PACRG: variants seen among roughly 807,000 people sequenced by gnomAD.
The protein encoded by PACRG is parkin coregulated.
In PACRG, 29 loss-of-function variants were observed where a neutral mutation model predicts 29.7. The ratio of observed to expected loss-of-function variants is 0.98; its 90% confidence interval spans 0.73 to 1.33. The LOEUF is 1.33. Among genes scored for constraint, PACRG ranks in the 40% most tolerant of loss-of-function variants. The pLI, the probability that PACRG is intolerant of heterozygous loss-of-function variation, is 0.00. For missense variants in PACRG, 279 were observed against 316.2 expected (o/e 0.88, Z 0.89); for synonymous variants, 116 against 118.7 (o/e 0.98, Z 0.15).
chr6:163,230,949 G>A (rs1473595302), intron 4 of PACRG, among the ~76,000 whole-genome samples: 3 of 152,246 alleles, frequency 2.0e-5, no homozygotes, highest in Non-Finnish European at 4.4e-5. Flanking sequence ...AAGCCTGCGG[G>A]ACAGAAATGA....
intron 4 of PACRG, among the ~76,000 whole-genome samples, chr6:163,209,771 G>A (rs753617237): frequency 6.6e-5 from 10 of 152,222 alleles, no homozygotes; most frequent in South Asian, 2.1e-4. Context: ...TGTAAATATC[G>A]TACTGTAAAC....
Position 162,947,641 on chromosome 6 carries a change from TATATATAC to T in PACRG, c.292-114507_292-114500del, listed in dbSNP as rs1468716608. ...ATATATATATATATATATATATATATATATATACACCCAAAGATTCCACCAAAAATCTC... is the reference window on the plus strand; with the variant it reads ...ATATATATATATATATATATATATATACCCAAAGATTCCACCAAAAATCTC... On this transcript the variant is annotated intron_variant, in intron 2 of 4. Coordinates refer to ENST00000366888, the MANE Select transcript of PACRG (RefSeq NM_001080379.2). Among the ~76,000 whole-genome samples the T allele has an allele frequency of 5.6e-3, 454 of 81,650 alleles. 38 individuals carry two copies. Among genetic ancestry groups the T allele is most frequent in the African/African-American group, 6.3e-3 (131 of 20,666 alleles). The allele number at this position is 81,650 out of a possible 152,430, so 53.6% of individuals were successfully genotyped here. A position where few individuals can be genotyped will look rare whatever the true frequency, so the allele number is the denominator to read the frequency against.
At chr6:163,033,558 C>T (rs1408532446) in intron 2 of PACRG, among the ~76,000 whole-genome samples, 1 of 152,238 alleles carries the variant, frequency 6.6e-6, no homozygotes, top group Non-Finnish European at 1.5e-5. Context: ...AAAGGCATTA[C>T]ACTTTTTACT....
chr6:163,189,237 A>G (rs530832424), intron 4 of PACRG, among the ~76,000 whole-genome samples: 48 of 152,368 alleles, frequency 3.2e-4, no homozygotes, highest in Non-Finnish European at 6.3e-4. Flanking sequence ...CATGAGATGG[A>G]CATAAGGGAT....
chr6:162,984,090 G>A (rs1327462283), intron 2 of PACRG, among the ~76,000 whole-genome samples: 1 of 151,626 alleles, frequency 6.6e-6, no homozygotes. Context: ...AATTTCTTTA[G>A]TGGTGACTTA....
intron 4 of PACRG, among the ~76,000 whole-genome samples, chr6:163,109,609 T>C (rs1487599211): frequency 1.3e-5 from 2 of 152,210 alleles, no homozygotes; most frequent in African/African-American, 4.8e-5. Flanking sequence ...AGCATTTTAG[T>C]AGGAAAGAGA....
intron 4 of PACRG, among the ~76,000 whole-genome samples, chr6:163,194,894 C>T (rs1780377653): frequency 6.6e-6 from 1 of 152,138 alleles, no homozygotes. Flanking sequence ...CCCTCCTTCC[C>T]CACGCCCCTC....
At chr6:163,159,868 G>A (rs2128341526) in intron 4 of PACRG, among the ~76,000 whole-genome samples, 1 of 152,134 alleles carries the variant, frequency 6.6e-6, no homozygotes, top group East Asian at 1.9e-4. Flanking sequence ...CCCTTCGGTG[G>A]CCCCGATCCT....
At chr6:163,274,626 G>A (rs1314242259) in intron 4 of PACRG, among the ~76,000 whole-genome samples, 1 of 152,148 alleles carries the variant, frequency 6.6e-6, no homozygotes, top group Non-Finnish European at 1.5e-5. Flanking sequence ...CACAATGGTT[G>A]AACTAGTTTA....
intron 4 of PACRG, among the ~76,000 whole-genome samples, chr6:163,156,055 A>G (rs1211680451): frequency 2.0e-5 from 3 of 152,122 alleles, no homozygotes; most frequent in Admixed American, 1.3e-4. Flanking sequence ...TCTCCTGAGG[A>G]AGCCCTCGCC....
chr6:162,806,085 G>A (rs1265011563), intron 1 of PACRG, among the ~76,000 whole-genome samples: 1 of 151,612 alleles, frequency 6.6e-6, no homozygotes, highest in East Asian at 1.9e-4. Context: ...GGCAGCTAGA[G>A]CCTTACAAAA....
chr6:163,300,782 T>C (rs1784958069), intron 4 of PACRG, among the ~76,000 whole-genome samples: 1 of 152,264 alleles, frequency 6.6e-6, no homozygotes, highest in Admixed American at 6.5e-5. Context: ...CAGGTGTGCA[T>C]TTGAAAATAA....
intron 2 of PACRG, among the ~76,000 whole-genome samples, chr6:162,882,054 C>T (rs1793921339): frequency 1.4e-5 from 2 of 138,980 alleles, no homozygotes; most frequent in Non-Finnish European, 3.1e-5. Context: ...AGACCAGAGA[C>T]CCGGGGGCGC....
In PACRG at chr6:162,935,807, A is replaced by G. The variant is rs1217677430; in HGVS notation, c.291+121526A>G. Among the ~76,000 whole-genome samples, 3 of 152,138 alleles carry G rather than the reference A, an allele frequency of 2.0e-5. No individual in the cohort carries two copies. The South Asian group carries it at 6.2e-4, about 31-fold the overall frequency. On this transcript the variant is annotated intron_variant, in intron 2 of 4. Coordinates refer to ENST00000366888, the MANE Select transcript of PACRG (RefSeq NM_001080379.2). ...TCTGAGAAATTAGAGATCATTGAAA[A>G]TTGCAAGATAGTATAACTTAATGTT...
In PACRG at chr6:163,221,995, C is replaced by T. The variant is rs115869671; in HGVS notation, c.614-92832C>T. On this transcript the variant is annotated intron_variant, in intron 4 of 4. Transcript: ENST00000366888. The stretch of plus-strand genomic sequence containing the variant: ...GACAGGCTGCACCCTGATCACCTGG[C>T]GATATTCAGGTGCAGTGCAGGAGAC... Among the ~76,000 whole-genome samples the T allele has an allele frequency of 4.9e-3, 753 of 152,230 alleles. 9 individuals are homozygous for T. The highest frequency in any genetic ancestry group is 0.017 in the African/African-American group (721 of 41,542).
chr6:163,197,670 C>G (rs1296304417), intron 4 of PACRG, among the ~76,000 whole-genome samples: 1 of 151,798 alleles, frequency 6.6e-6, no homozygotes, highest in South Asian at 2.1e-4. Context: ...AGGATTGTCT[C>G]GATCTTCTGA....
chr6:163,289,056 A>T (rs1414681577), intron 4 of PACRG, among the ~76,000 whole-genome samples: 1 of 152,156 alleles, frequency 6.6e-6, no homozygotes. Flanking sequence ...TGCCATTGAG[A>T]TGCTAGACTG....
intron 4 of PACRG, among the ~76,000 whole-genome samples, chr6:163,222,306 T>G (rs1379065444): frequency 6.6e-6 from 1 of 152,158 alleles, no homozygotes; most frequent in Non-Finnish European, 1.5e-5. Flanking sequence ...TGAGGGTGCA[T>G]GAGATGGGAG....
chr6:162,863,529 C>T (rs1255401581), intron 2 of PACRG, among the ~76,000 whole-genome samples: 1 of 152,206 alleles, frequency 6.6e-6, no homozygotes, highest in Non-Finnish European at 1.5e-5. Flanking sequence ...GATGGCACTG[C>T]ATAGCAGAGG....
Sources: gnomAD v4.1 joint callset for allele counts (sites outside exome capture counted in the v4.1 genomes callset) on GRCh38, gnomAD v4.1.1 for gene constraint, MANE v1.5 for transcripts, NCBI Gene and HGNC (gene_info 2026-07-23, HGNC 2026-07-21) for gene names.